Variants in PLXNA2 observed in about 807,000 individuals in gnomAD.
PLXNA2 encodes plexin-A2.
Under a neutral mutation model 193.5 loss-of-function variants are expected in PLXNA2, and 91 were observed. That is an observed-to-expected ratio of 0.47 (90% confidence interval 0.40 to 0.56). The LOEUF is 0.56. Among genes scored for constraint, PLXNA2 ranks in the 20% least tolerant of loss-of-function variants. The pLI is 0.00. For synonymous variants in PLXNA2, 997 were observed against 1,027.3 expected, an observed-to-expected ratio of 0.97 and a Z score of 0.56; for missense variants, 1,995 against 2,503.2, an observed-to-expected ratio of 0.80 and a Z score of 4.33.
chr1:208,030,910 C>T, intron 29 of PLXNA2: 1 of 985,910 alleles, frequency 1.0e-6, no homozygotes. Flanking sequence ...AGTCTCATAC[C>T]AGGGGCCTGA....
At chr1:208,033,178 G>T in intron 28 of PLXNA2, 141 bp downstream of exon 28, 2 of 759,988 alleles carry the variant, frequency 2.6e-6, no homozygotes. Flanking sequence ...TTATGGGCAT[G>T]AGCCACCAGG....
intron 15 of PLXNA2, among the ~76,000 whole-genome samples, chr1:208,051,911 C>T (rs1665275008): frequency 6.6e-6 from 1 of 152,152 alleles, no homozygotes; most frequent in Non-Finnish European, 1.5e-5. Flanking sequence ...TAGGGGAGTG[C>T]TGGCAAATGG....
chr1:208,039,792 G>T, intron 23 of PLXNA2, 25 bp from the exon 24 acceptor site: 1 of 1,613,780 alleles, frequency 6.2e-7, no homozygotes. Context: ...AGGGCAGGAG[G>T]TGTGGGCACG....
intron 12 of PLXNA2, among the ~76,000 whole-genome samples, chr1:208,066,575 C>T (rs769265278): frequency 6.6e-6 from 1 of 152,206 alleles, no homozygotes; most frequent in Non-Finnish European, 1.5e-5. Context: ...GCACATAATA[C>T]TTGATAATGA....
chr1:208,177,989 C>A (rs1010657391), intron 3 of PLXNA2, among the ~76,000 whole-genome samples: 2 of 152,196 alleles, frequency 1.3e-5, no homozygotes, highest in African/African-American at 2.4e-5. Flanking sequence ...AAACAGGGGC[C>A]TTACCCTGAG....
intron 12 of PLXNA2, among the ~76,000 whole-genome samples, chr1:208,063,747 A>T (rs1310232079): frequency 6.6e-6 from 1 of 152,184 alleles, no homozygotes; most frequent in Non-Finnish European, 1.5e-5. Flanking sequence ...CACAGCTTAT[A>T]GCTTCCTTGC....
intron 23 of PLXNA2, 38 bp downstream of exon 23, chr1:208,039,954 G>T (rs1381907539): frequency 4.4e-6 from 7 of 1,605,344 alleles, no homozygotes; most frequent in Non-Finnish European, 6.0e-6. Flanking sequence ...GTGCCATCCT[G>T]CCCTGGACGC....
At chr1:208,051,769 T>A (rs1417790039) in intron 15 of PLXNA2, among the ~76,000 whole-genome samples, 1 of 152,234 alleles carries the variant, frequency 6.6e-6, no homozygotes, top group Non-Finnish European at 1.5e-5. Context: ...GAGCACCTAC[T>A]GTACATAGCA....
intron 1 of PLXNA2, among the ~76,000 whole-genome samples, chr1:208,238,846 A>ACTT (rs1671950715): frequency 6.6e-6 from 1 of 152,188 alleles, no homozygotes; most frequent in Admixed American, 6.5e-5. Context: ...TGGGTCAGAA[A>ACTT]CTTCTGTTGC....
rs1456539830 is a variant in PLXNA2, at chr1:208,082,849, T to C, written c.2299-341A>G. 1.3e-5 allele frequency among the ~76,000 whole-genome samples: 2 copies of C among 152,166 alleles called. No homozygotes were observed. The highest frequency in any genetic ancestry group is 2.9e-5 in the Non-Finnish European group (2 of 68,022). ...CGTCTCCCTACAACCTCCATCCTTTTAACCCACCCGTATTCTTCTAGCCCA... is the reference window on the plus strand; with the variant it reads ...CGTCTCCCTACAACCTCCATCCTTTCAACCCACCCGTATTCTTCTAGCCCA... On this transcript the variant is annotated intron_variant, in intron 10 of 31. Transcript: ENST00000367033. This position sits in a 1 kb window ranked among gnomAD's most constrained non-coding sequence, Gnocchi z 4.2.
Position 208,037,155 on chromosome 1 carries a change from C to G in PLXNA2, c.4764+1216G>C, listed in dbSNP as rs114864461. ...AGTCAGGGTTGTTATCTCCATTTTA[C>G]AGATGAGGAGCCCAAGGTGCAGAGA... On this transcript the variant is annotated intron_variant, in intron 26 of 31. Coordinates refer to ENST00000367033, the MANE Select transcript of PLXNA2 (RefSeq NM_025179.4). Among the ~76,000 whole-genome samples the G allele has an allele frequency of 6.0e-3, 919 of 152,260 alleles. 7 individuals are homozygous for G. Among genetic ancestry groups the G allele is most frequent in the African/African-American group, 0.021 (860 of 41,542 alleles).
At chr1:208,031,370 T>C in intron 29 of PLXNA2, 6 of 1,401,698 alleles carry the variant, frequency 4.3e-6, no homozygotes, top group South Asian at 1.5e-5. Flanking sequence ...GTGCATCCTA[T>C]TGCTGTGCCT....
intron 1 of PLXNA2, among the ~76,000 whole-genome samples, chr1:208,239,761 A>G (rs59854384): frequency 0.075 from 11,479 of 152,290 alleles, 654 homozygotes; most frequent in African/African-American, 0.15. Context: ...CCTGCTTCCC[A>G]GTCTCTGACA....
At chr1:208,116,668 T>C (rs1396980703) in intron 4 of PLXNA2, among the ~76,000 whole-genome samples, 1 of 152,204 alleles carries the variant, frequency 6.6e-6, no homozygotes, top group African/African-American at 2.4e-5. Flanking sequence ...GGCAAGTCCC[T>C]TAACCTCCCT....
chr1:208,200,365 C>T (rs1670504319), intron 3 of PLXNA2, among the ~76,000 whole-genome samples: 1 of 152,142 alleles, frequency 6.6e-6, no homozygotes, highest in East Asian at 1.9e-4. Context: ...AGGAAAGAGA[C>T]ATTAAAGTAG....
At position 208,044,980 on chromosome 1, in the gene PLXNA2, C is replaced by T. The variant is rs377199794; in HGVS notation, c.3639+87G>A. On this transcript the variant is annotated intron_variant, in intron 19 of 31. Coordinates refer to ENST00000367033, the MANE Select transcript of PLXNA2 (RefSeq NM_025179.4). The surrounding 1 kb of genome is among the most constrained non-coding windows in gnomAD (Gnocchi z 4.9). ...GATATGGAGGGGGTGAGTCAGGCAACGAGACAGAAGAGAGCCTTTCCTTAG... is the reference window on the plus strand; with the variant it reads ...GATATGGAGGGGGTGAGTCAGGCAATGAGACAGAAGAGAGCCTTTCCTTAG... The T allele has an allele frequency of 1.5e-5, 22 of 1,507,516 alleles. No individual in the cohort carries two copies. The highest frequency in any genetic ancestry group is 2.0e-4 in the Middle Eastern group (1 of 4,970). 93.4% of individuals were successfully genotyped at this position (1,507,516 alleles called of 1,614,324 possible). A position where few individuals can be genotyped will look rare whatever the true frequency, so the allele number is the denominator to read the frequency against.
At position 208,031,340 on chromosome 1, in the gene PLXNA2, T is replaced by C; in HGVS notation, c.5225+250A>G. ...TCTTCTTGGGGTACTGGTCACAACC[T>C]GGAGGGGCAGAATTCAAGGGTGCAT... On this transcript the variant is annotated intron_variant, in intron 29 of 31. Coordinates refer to ENST00000367033, the MANE Select transcript of PLXNA2 (RefSeq NM_025179.4). 5 of 1,343,696 alleles carry C rather than the reference T, an allele frequency of 3.7e-6. No homozygotes were observed. In the South Asian group the frequency reaches 6.6e-5, roughly 18 times the overall value. 83.2% of individuals were successfully genotyped at this position (1,343,696 alleles called of 1,614,324 possible). A position where few individuals can be genotyped will look rare whatever the true frequency, so the allele number is the denominator to read the frequency against.
intron 29 of PLXNA2, chr1:208,031,020 C>T (rs957005896): frequency 1.0e-6 from 1 of 987,796 alleles, no homozygotes; most frequent in Non-Finnish European, 1.2e-6. Flanking sequence ...GCTATGGCGC[C>T]AGGATAATCA....
chr1:208,159,967 A>G (rs751551799), intron 3 of PLXNA2, among the ~76,000 whole-genome samples: 11 of 152,104 alleles, frequency 7.2e-5, no homozygotes, highest in Non-Finnish European at 1.3e-4. Context: ...TGAGCTCAGG[A>G]CATGGGGGAG....
Sources: gnomAD v4.1 joint callset for allele counts (sites outside exome capture counted in the v4.1 genomes callset) on GRCh38, gnomAD v4.1.1 for gene constraint, Gnocchi (gnomAD v3.1) non-coding constraint, MANE v1.5 for transcripts, NCBI Gene and HGNC (gene_info 2026-07-23, HGNC 2026-07-21) for gene names.